SLC39A11: variants seen among roughly 807,000 people sequenced by gnomAD.
SLC39A11 encodes the protein solute carrier family 39 member 11.
In SLC39A11, 33 loss-of-function variants were observed where a neutral mutation model predicts 36.1. The ratio of observed to expected loss-of-function variants is 0.91; its 90% CI spans 0.69 to 1.22. SLC39A11 has a LOEUF of 1.22. Ranked by LOEUF, SLC39A11 falls within the 50% of genes most tolerant of loss-of-function variation. SLC39A11 has a pLI of 0.00. For missense variants in SLC39A11, 432 were observed against 430.3 expected (o/e 1.00, Z -0.03); for synonymous variants, 166 against 170.3 (o/e 0.97, Z 0.20).
chr17:72,790,497 C>T (rs1191915250), intron 6 of SLC39A11, among the ~76,000 whole-genome samples: 2 of 151,962 alleles, frequency 1.3e-5, no homozygotes, highest in African/African-American at 4.8e-5. Context: ...TAAGAGAATC[C>T]ATCTTTCAAA....
intron 5 of SLC39A11, among the ~76,000 whole-genome samples, chr17:72,905,250 T>A (rs919701054): frequency 3.4e-5 from 5 of 145,216 alleles, no homozygotes; most frequent in Non-Finnish European, 7.5e-5. Context: ...AAAATAGCAG[T>A]GCTTTGTGGC....
chr17:73,031,836 G>T, intron 3 of SLC39A11, 122 bp from the exon 4 acceptor site: 2 of 1,009,624 alleles, frequency 2.0e-6, no homozygotes, highest in South Asian at 1.7e-5. Flanking sequence ...TCAGTCTTTC[G>T]TCCCAGGTTG....
chr17:72,650,852 G>C (rs1472642895), intron 7 of SLC39A11, among the ~76,000 whole-genome samples: 1 of 152,180 alleles, frequency 6.6e-6, no homozygotes, highest in African/African-American at 2.4e-5. Context: ...AGGCTCCCGG[G>C]ACTGGGACAC....
chr17:72,947,892 T>C lies in SLC39A11; in HGVS notation c.307-17A>G, dbSNP rs747172412. 1 of 1,612,358 alleles carries C rather than the reference T, an allele frequency of 6.2e-7. No homozygotes were observed. On this transcript the variant is annotated splice_polypyrimidine_tract_variant and intron_variant, in intron 4 of 9. Transcript: ENST00000255559. ...TGCTGCACCCTGAAACAAGAAGCGG[T>C]AACATCACTAGAGCACCACTACTGT...
intron 7 of SLC39A11, among the ~76,000 whole-genome samples, chr17:72,705,167 G>A (rs1333836027): frequency 1.3e-5 from 2 of 152,158 alleles, no homozygotes; most frequent in African/African-American, 4.8e-5. Context: ...TTGTGTTTCT[G>A]TGTCTTGCAA....
At chr17:73,025,447 T>G (rs2148625734) in intron 4 of SLC39A11, among the ~76,000 whole-genome samples, 1 of 152,260 alleles carries the variant, frequency 6.6e-6, no homozygotes, top group Admixed American at 6.5e-5. Flanking sequence ...CAAAATTCCA[T>G]CTCCAGATGT....
chr17:72,810,063 CA>C (rs2077384225), intron 6 of SLC39A11, among the ~76,000 whole-genome samples: 1 of 89,420 alleles, frequency 1.1e-5, no homozygotes, highest in Non-Finnish European at 2.1e-5. Flanking sequence ...GACTCTGTCT[CA>C]AAAACAAAAA....
At chr17:72,938,922 G>A (rs1189589615) in intron 5 of SLC39A11, among the ~76,000 whole-genome samples, 1 of 152,144 alleles carries the variant, frequency 6.6e-6, no homozygotes, top group Non-Finnish European at 1.5e-5. Context: ...TTCAAACAAA[G>A]CACCCCAGCA....
chr17:73,067,429 AG>A (rs1418345114), intron 3 of SLC39A11, among the ~76,000 whole-genome samples: 1 of 152,250 alleles, frequency 6.6e-6, no homozygotes, highest in African/African-American at 2.4e-5. Flanking sequence ...TGGGCAAAGC[AG>A]TGAGCCAAAA....
chr17:72,757,853 G>T (rs1299157186), intron 6 of SLC39A11, among the ~76,000 whole-genome samples: 1 of 151,906 alleles, frequency 6.6e-6, no homozygotes, highest in Non-Finnish European at 1.5e-5. Context: ...ACCAGGCCTG[G>T]GGACCTAGGA....
chr17:73,023,532 C>T (rs2058429473), intron 4 of SLC39A11, among the ~76,000 whole-genome samples: 1 of 152,240 alleles, frequency 6.6e-6, no homozygotes, highest in South Asian at 2.1e-4. Context: ...CACTCTTGCC[C>T]AGGCTGGAGT....
In SLC39A11 at chr17:72,891,953, AG is replaced by A. The variant is rs764828105; in HGVS notation, c.431-42150del. 2.0e-5 allele frequency among the ~76,000 whole-genome samples: 3 copies of A among 152,302 alleles called. No individual in the cohort carries two copies. In the East Asian group the frequency reaches 5.8e-4, roughly 29 times the overall value. On this transcript the variant is annotated intron_variant, in intron 5 of 9. Transcript: ENST00000255559. The stretch of plus-strand genomic sequence containing the variant: ...ATGCACTTCTGCAGCCTCAGGGCCT[AG>A]CACAGTGTCCAGCACACAGTAGGTG...
chr17:72,729,932 T>C (rs2074146139), intron 7 of SLC39A11, among the ~76,000 whole-genome samples: 1 of 152,132 alleles, frequency 6.6e-6, no homozygotes, highest in African/African-American at 2.4e-5. Context: ...ACTATGGGTA[T>C]CTTTTCTGCT....
intron 5 of SLC39A11, among the ~76,000 whole-genome samples, chr17:72,881,202 T>C (rs921023926): frequency 1.3e-5 from 2 of 152,164 alleles, no homozygotes; most frequent in Non-Finnish European, 1.5e-5. Flanking sequence ...CAAAGACTTG[T>C]ACACAAATAT....
chr17:72,914,410 T>C (rs2083217794), intron 5 of SLC39A11, among the ~76,000 whole-genome samples: 1 of 152,012 alleles, frequency 6.6e-6, no homozygotes, highest in Non-Finnish European at 1.5e-5. Flanking sequence ...ATAGCAGTGA[T>C]ATAGTATTAG....
intron 4 of SLC39A11, among the ~76,000 whole-genome samples, chr17:72,970,381 A>G: frequency 6.6e-6 from 1 of 152,214 alleles, no homozygotes; most frequent in East Asian, 1.9e-4. Flanking sequence ...TATTACAAGT[A>G]ACAAGCCCTC....
In SLC39A11 at chr17:72,659,574, C is replaced by CTTTTT. The variant is rs34383683; in HGVS notation, c.672-10311_672-10307dup. ...TCTCTTACACGTGTCCTCTGTGACT[C>CTTTTT]TTTTTTTTTTTTTTTTTTTTTTTTT... is the stretch of plus-strand genomic sequence containing the variant. On this transcript the variant is annotated intron_variant, in intron 7 of 9. Coordinates refer to ENST00000255559, the MANE Select transcript of SLC39A11 (RefSeq NM_139177.4). 1.1e-3 allele frequency among the ~76,000 whole-genome samples: 68 copies of CTTTTT among 61,202 alleles called. 2 individuals are homozygous for CTTTTT. The highest frequency in any genetic ancestry group is 1.2e-3 in the Non-Finnish European group (43 of 34,734). The allele number at this position is 61,202 out of a possible 152,430, so 40.2% of individuals were successfully genotyped here. A position where few individuals can be genotyped will look rare whatever the true frequency, so the allele number is the denominator to read the frequency against.
intron 7 of SLC39A11, among the ~76,000 whole-genome samples, chr17:72,712,525 CA>C (rs1245185960): frequency 6.6e-6 from 1 of 152,182 alleles, no homozygotes; most frequent in African/African-American, 2.4e-5. Context: ...AGAACACTTG[CA>C]GGATGTCTTG....
chr17:72,718,082 C>G (rs1309532879), intron 7 of SLC39A11, among the ~76,000 whole-genome samples: 1 of 152,238 alleles, frequency 6.6e-6, no homozygotes, highest in Non-Finnish European at 1.5e-5. Context: ...TACAAAATCT[C>G]TATCTGTCCC....
Sources: gnomAD v4.1 joint callset for allele counts (sites outside exome capture counted in the v4.1 genomes callset) on GRCh38, gnomAD v4.1.1 for gene constraint, MANE v1.5 for transcripts, NCBI Gene and HGNC (gene_info 2026-07-23, HGNC 2026-07-21) for gene names.